HGSNAT: variants seen among roughly 807,000 people sequenced by gnomAD.
HGSNAT encodes the protein heparan-alpha-glucosaminide N-acetyltransferase.
In HGSNAT, 59 loss-of-function variants were observed where a neutral mutation model predicts 85.2. The observed-to-expected ratio is 0.69, with a 90% CI of 0.56 to 0.86. The LOEUF (loss-of-function observed/expected upper bound fraction) is 0.86. Ranked by LOEUF, HGSNAT falls within the 40% of genes least tolerant of loss-of-function variation. The pLI is 0.00. For synonymous variants in HGSNAT, 321 were observed against 304.5 expected (o/e 1.05, Z -0.56); for missense variants, 756 against 777.1 (o/e 0.97, Z 0.32).
chr8:43,151,539 G>A (rs764493669), intron 2 of HGSNAT, among the ~76,000 whole-genome samples: 2 of 151,958 alleles, frequency 1.3e-5, no homozygotes, highest in Non-Finnish European at 2.9e-5. Context: ...GTATATATTC[G>A]TTTCACAAAA....
At chr8:43,177,241 CT>C (rs879720322) in intron 9 of HGSNAT, among the ~76,000 whole-genome samples, 161 of 146,618 alleles carry the variant, frequency 1.1e-3, no homozygotes, top group Non-Finnish European at 1.4e-3. Context: ...AGTATTCTAA[CT>C]TTTTTTTTTT....
At chr8:43,182,326 T>C in intron 11 of HGSNAT, 66 bp downstream of exon 11, 1 of 1,250,564 alleles carries the variant, frequency 8.0e-7, no homozygotes, top group Non-Finnish European at 1.2e-6. Flanking sequence ...TGTGTGGTGA[T>C]ACGGTCTCAC....
chr8:43,190,051 A>G lies in HGSNAT; in HGVS notation c.1129-1423A>G, dbSNP rs1456087983. On this transcript the variant is annotated intron_variant, in intron 11 of 17. Coordinates refer to ENST00000379644, the MANE Select transcript of HGSNAT (RefSeq NM_152419.3). ...GTTTTGGTATCTGTTCAAATGCTGT[A>G]AAGTTCAATTTTGAGGATAATCCCC... 4.6e-5 allele frequency among the ~76,000 whole-genome samples: 7 copies of G among 152,228 alleles called. No homozygotes were observed. The East Asian group carries it at 1.3e-3, about 29-fold the overall frequency.
intron 1 of HGSNAT, 86 bp from the exon 2 acceptor site, chr8:43,146,862 A>G: frequency 1.4e-6 from 1 of 726,954 alleles, no homozygotes. Context: ...TACTGGAAGC[A>G]ACTGTTCACA....
At chr8:43,184,353 T>C (rs1244368180) in intron 11 of HGSNAT, among the ~76,000 whole-genome samples, 7 of 152,098 alleles carry the variant, frequency 4.6e-5, no homozygotes, top group Non-Finnish European at 7.4e-5. Flanking sequence ...TGGTATCTCA[T>C]TGTGGTTTTG....
chr8:43,196,291 T>C (rs1586756505), intron 14 of HGSNAT: 2 of 365,412 alleles, frequency 5.5e-6, no homozygotes, highest in East Asian at 1.5e-4. Flanking sequence ...TTAAAGCTTC[T>C]CATCCTTTGA....
At chr8:43,180,006 C>T (rs1383333761) in intron 10 of HGSNAT, among the ~76,000 whole-genome samples, 7 of 99,438 alleles carry the variant, frequency 7.0e-5, no homozygotes, top group Non-Finnish European at 1.2e-4. Context: ...CCAGTAGGGG[C>T]GGCCGGGCAG....
At position 43,169,613 on chromosome 8, in the gene HGSNAT, T is replaced by C. The variant is rs544518049; in HGVS notation, c.633+371T>C. The stretch of plus-strand genomic sequence containing the variant: ...GGCCTCCTCTAATGATTTAAATATG[T>C]CATTAAATTTTTGTTAATAAATTCA... On this transcript the variant is annotated intron_variant, in intron 6 of 17. Transcript: ENST00000379644. 2.6e-5 allele frequency among the ~76,000 whole-genome samples: 4 copies of C among 152,354 alleles called. No homozygotes were observed. In the South Asian group the frequency reaches 8.3e-4, roughly 32 times the overall value.
In HGSNAT at chr8:43,199,529, C is replaced by T; in HGVS notation, c.1868C>T (p.Ala623Val). 3.8e-6 allele frequency: 6 copies of T among 1,594,004 alleles called. No individual in the cohort carries two copies. Among genetic ancestry groups the T allele is most frequent in the Non-Finnish European group, 5.1e-6 (6 of 1,170,198 alleles). ...GCCACTGCCCTCTGGGTGCTCATTG[C>T]CTACATCCTCTATAGAAAGAAGATT... ...IVATALWVLI[A>V]YILYRKKIFW... Residue 623 changes from alanine to valine, a missense_variant, in exon 18 of 18, where the codon GCC becomes GTC. Coordinates refer to ENST00000379644, the MANE Select transcript of HGSNAT (RefSeq NM_152419.3).
chr8:43,170,563 C>A, intron 6 of HGSNAT, 22 bp from the exon 7 acceptor site: 1 of 1,534,414 alleles, frequency 6.5e-7, no homozygotes, highest in Non-Finnish European at 8.9e-7. Flanking sequence ...GAGTTGTCAT[C>A]TTTCTCCCTT....
At chr8:43,142,224 C>T (rs573538449) in intron 1 of HGSNAT, among the ~76,000 whole-genome samples, 3 of 152,182 alleles carry the variant, frequency 2.0e-5, no homozygotes, top group Non-Finnish European at 4.4e-5. Flanking sequence ...TGGAAGGTGA[C>T]TTTATTTGGT....
chr8:43,148,230 G>A (rs1037220662), intron 2 of HGSNAT, among the ~76,000 whole-genome samples: 3 of 151,848 alleles, frequency 2.0e-5, no homozygotes, highest in African/African-American at 7.3e-5. Context: ...CAACAAAAGC[G>A]AAACTCTGTC....
At chr8:43,159,703 T>C (rs938827517) in intron 4 of HGSNAT, among the ~76,000 whole-genome samples, 2 of 152,240 alleles carry the variant, frequency 1.3e-5, no homozygotes, top group Non-Finnish European at 2.9e-5. Flanking sequence ...GGTAATTGAC[T>C]GTCAAATATC....
At position 43,191,535 on chromosome 8, in the gene HGSNAT, T is replaced by A. The variant is rs1204898966; in HGVS notation, c.1190T>A (p.Leu397Gln). Residue 397 changes from leucine to glutamine, a missense_variant, in exon 12 of 18, where the codon CTG becomes CAG. Coordinates refer to ENST00000379644, the MANE Select transcript of HGSNAT (RefSeq NM_152419.3). ...AGCTGGCCCCAGTGGCTGCTCATCC[T>A]GGTGCTGGAAGGCCTGTGGCTGGGC... is the stretch of plus-strand genomic sequence containing the variant. ...TSSWPQWLLI[L>Q]VLEGLWLGLT... The A allele has an allele frequency of 6.2e-7, 1 of 1,614,044 alleles. No individual in the cohort carries two copies. The highest frequency in any genetic ancestry group is 8.5e-7 in the Non-Finnish European group (1 of 1,179,892).
chr8:43,146,403 A>G (rs148674539), intron 1 of HGSNAT, among the ~76,000 whole-genome samples: 4 of 152,352 alleles, frequency 2.6e-5, no homozygotes, highest in East Asian at 1.9e-4. Flanking sequence ...CCTGGCTACA[A>G]TCGCAGCTCA....
At position 43,182,290 on chromosome 8, in the gene HGSNAT, C is replaced by CT. The variant is rs767129403; in HGVS notation, c.1128+37dup. 5 of 1,539,284 alleles carry CT rather than the reference C, an allele frequency of 3.2e-6. No homozygotes were observed. The Admixed American group carries it at 6.7e-5, about 21-fold the overall frequency. On this transcript the variant is annotated intron_variant, in intron 11 of 17. Coordinates refer to ENST00000379644, the MANE Select transcript of HGSNAT (RefSeq NM_152419.3). ...GAAACCATGTTTTAATTAAGAAAAA[C>CT]TTTTTTTAAATTAAAAAAAATGTAT...
At chr8:43,190,190 T>C (rs1171392039) in intron 11 of HGSNAT, among the ~76,000 whole-genome samples, 1 of 152,198 alleles carries the variant, frequency 6.6e-6, no homozygotes, top group African/African-American at 2.4e-5. Flanking sequence ...TACTATAAAT[T>C]GCTAGGTGGA....
At chr8:43,144,770 T>A (rs979721399) in intron 1 of HGSNAT, among the ~76,000 whole-genome samples, 1 of 152,162 alleles carries the variant, frequency 6.6e-6, no homozygotes, top group Non-Finnish European at 1.5e-5. Context: ...AATGAAAAAT[T>A]TCAAGATTTG....
At chr8:43,169,887 C>T (rs1478116664) in intron 6 of HGSNAT, among the ~76,000 whole-genome samples, 1 of 152,060 alleles carries the variant, frequency 6.6e-6, no homozygotes, top group East Asian at 1.9e-4. Flanking sequence ...GTGGCGTGGT[C>T]TCAACTCGCT....
Sources: allele counts gnomAD v4.1 joint callset (sites outside exome capture counted in the v4.1 genomes callset), GRCh38; gene constraint gnomAD v4.1.1; transcripts MANE v1.5; gene names NCBI Gene and HGNC (gene_info 2026-07-23, HGNC 2026-07-21).